Variants in WDPCP observed in about 807,000 individuals in gnomAD.
WDPCP encodes WD repeat-containing and planar cell polarity effector protein fritz homolog.
Under a neutral mutation model 93.1 loss-of-function variants are expected in WDPCP, and 71 were observed. That is an observed-to-expected ratio of 0.76 (90% CI 0.63 to 0.93). The LOEUF is 0.93. Among genes scored for constraint, WDPCP ranks in the 40% least tolerant of loss-of-function variants. WDPCP has a pLI of 0.00. For synonymous variants in WDPCP, 315 were observed against 315.0 expected (o/e 1.00, Z 0.00); for missense variants, 844 against 887.4 (o/e 0.95, Z 0.62).
At chr2:63,770,286 A>G (rs903940193) in intron 2 of WDPCP, among the ~76,000 whole-genome samples, 1 of 151,958 alleles carries the variant, frequency 6.6e-6, no homozygotes, top group Non-Finnish European at 1.5e-5. Flanking sequence ...AAAATACAAC[A>G]TATTCAAACT....
intron 2 of WDPCP, among the ~76,000 whole-genome samples, chr2:63,660,402 G>A (rs922951988): frequency 1.3e-5 from 2 of 152,130 alleles, no homozygotes; most frequent in African/African-American, 4.8e-5. Context: ...AATTGCAATT[G>A]GTAGTTGCAG....
intron 1 of WDPCP, among the ~76,000 whole-genome samples, chr2:63,509,681 T>C (rs1702104818): frequency 6.6e-6 from 1 of 151,550 alleles, no homozygotes; most frequent in Admixed American, 6.6e-5. Context: ...GATAGACCAC[T>C]AGCCAGAATA....
chr2:63,309,384 G>A (rs192192042), intron 13 of WDPCP, among the ~76,000 whole-genome samples: 22 of 152,258 alleles, frequency 1.4e-4, no homozygotes, highest in Admixed American at 2.0e-4. Flanking sequence ...GGAGGGGTAC[G>A]GTGGTGCATG....
intron 1 of WDPCP, among the ~76,000 whole-genome samples, chr2:63,582,859 AC>A (rs1394960258): frequency 6.6e-6 from 1 of 152,188 alleles, no homozygotes; most frequent in African/African-American, 2.4e-5. Flanking sequence ...TTCCACACAT[AC>A]AAAAGCTGAG....
Position 63,433,733 on chromosome 2 carries a change from T to C in WDPCP, c.825+12A>G. The C allele has an allele frequency of 6.2e-7, 1 of 1,604,448 alleles. No individual in the cohort carries two copies. The highest frequency in any genetic ancestry group is 1.7e-5 in the Admixed American group (1 of 59,696). ...CACTTTATTAAAATGTACATATTTG[T>C]TTTAGATTTACCTCTAGTCTTCCTT... On this transcript the variant is annotated intron_variant, in intron 9 of 17. Coordinates refer to ENST00000272321, the MANE Select transcript of WDPCP (RefSeq NM_015910.7).
chr2:63,353,144 G>C (rs1689754535), intron 12 of WDPCP, among the ~76,000 whole-genome samples: 1 of 152,042 alleles, frequency 6.6e-6, no homozygotes, highest in Non-Finnish European at 1.5e-5. Flanking sequence ...ACAGATCTTT[G>C]CAACCCTCAG....
chr2:63,217,151 A>G (rs934301538), intron 14 of WDPCP, among the ~76,000 whole-genome samples: 1 of 152,266 alleles, frequency 6.6e-6, no homozygotes, highest in Non-Finnish European at 1.5e-5. Flanking sequence ...CTTTTGAGGT[A>G]AGAATGGTTT....
chr2:63,808,632 G>T (rs561693190), intron 2 of WDPCP, among the ~76,000 whole-genome samples: 1 of 152,210 alleles, frequency 6.6e-6, no homozygotes, highest in South Asian at 2.1e-4. Flanking sequence ...ACGGAGTCTC[G>T]TTCACTTAGT....
intron 2 of WDPCP, among the ~76,000 whole-genome samples, chr2:63,712,197 G>A (rs913386692): frequency 6.6e-6 from 1 of 152,220 alleles, no homozygotes; most frequent in Non-Finnish European, 1.5e-5. Context: ...AGGGCCCAGT[G>A]TGCCAGCTGA....
rs1159039677 is a variant in WDPCP, at chr2:63,338,569, AATATATATATAT to A, written c.1749-25270_1749-25259del. Reference sequence around the variant, plus strand: ...CTCCATCTAAAAAAAAAAAAAAAAAAATATATATATATATATATATATATATATATATATATA... The same window carrying A: ...CTCCATCTAAAAAAAAAAAAAAAAAAATATATATATATATATATATATATA... On this transcript the variant is annotated intron_variant, in intron 12 of 17. Coordinates refer to ENST00000272321, the MANE Select transcript of WDPCP (RefSeq NM_015910.7). Among the ~76,000 whole-genome samples the A allele has an allele frequency of 2.6e-3, 37 of 14,476 alleles. 1 individual carries two copies. The highest frequency in any genetic ancestry group is 2.7e-3 in the Non-Finnish European group (29 of 10,582). The allele number at this position is 14,476 out of a possible 152,430, so 9.5% of individuals were successfully genotyped here. A position where few individuals can be genotyped will look rare whatever the true frequency, so the allele number is the denominator to read the frequency against.
chr2:63,227,222 C>T (rs1678365355), intron 14 of WDPCP, among the ~76,000 whole-genome samples: 1 of 151,928 alleles, frequency 6.6e-6, no homozygotes, highest in Non-Finnish European at 1.5e-5. Context: ...GAATGAACAA[C>T]TTCCTTTAGT....
intron 1 of WDPCP, among the ~76,000 whole-genome samples, chr2:63,549,296 T>C (rs1386041713): frequency 2.1e-5 from 3 of 143,214 alleles, no homozygotes; most frequent in African/African-American, 7.7e-5. Flanking sequence ...TAAGCATCCA[T>C]CTAAAGGAAT....
intron 14 of WDPCP, among the ~76,000 whole-genome samples, chr2:63,201,281 C>A (rs1261550527): frequency 6.6e-6 from 1 of 152,096 alleles, no homozygotes; most frequent in Non-Finnish European, 1.5e-5. Flanking sequence ...TCCTGTACAG[C>A]CTGCAGAACT....
At position 63,734,842 on chromosome 2, in the gene WDPCP, G is replaced by A. The variant is rs531365059; in HGVS notation, n.308+78780C>T. 9.9e-5 allele frequency among the ~76,000 whole-genome samples: 15 copies of A among 150,858 alleles called. No homozygotes were observed. The East Asian group carries it at 2.5e-3, about 25-fold the overall frequency. On this transcript the variant is annotated intron_variant and non_coding_transcript_variant, in intron 2 of 4. Coordinates refer to the WDPCP transcript ENST00000467687. Reference sequence around the variant, plus strand: ...ATAGGCTGAGAAATTTTAAGTTGCAGAAGGATAGATAGATGGAGATAGATA... The same window carrying A: ...ATAGGCTGAGAAATTTTAAGTTGCAAAAGGATAGATAGATGGAGATAGATA...
At chr2:63,688,875 C>T (rs1012573444) in intron 2 of WDPCP, among the ~76,000 whole-genome samples, 1 of 152,110 alleles carries the variant, frequency 6.6e-6, no homozygotes, top group Non-Finnish European at 1.5e-5. Flanking sequence ...AGGTTTCTGT[C>T]CTCATGAATG....
At chr2:63,243,190 T>C (rs1679996871) in intron 14 of WDPCP, among the ~76,000 whole-genome samples, 1 of 152,174 alleles carries the variant, frequency 6.6e-6, no homozygotes, top group African/African-American at 2.4e-5. Context: ...AAGGGAAAAC[T>C]TATTGAATGG....
chr2:63,815,224 T>C (rs1309182366), intron 1 of WDPCP, among the ~76,000 whole-genome samples: 1 of 152,198 alleles, frequency 6.6e-6, no homozygotes, highest in Non-Finnish European at 1.5e-5. Context: ...GTGTTTTAAA[T>C]TGCTTTTATA....
At chr2:63,478,997 G>T (rs193069526) in intron 6 of WDPCP, among the ~76,000 whole-genome samples, 80 of 150,578 alleles carry the variant, frequency 5.3e-4, no homozygotes, top group Admixed American at 1.5e-3. Context: ...CAAAACGGGA[G>T]ATATTACAAC....
chr2:63,586,711 G>A (rs1708866067), intron 1 of WDPCP, among the ~76,000 whole-genome samples: 1 of 152,200 alleles, frequency 6.6e-6, no homozygotes, highest in Non-Finnish European at 1.5e-5. Flanking sequence ...CCACACAGGT[G>A]ACTTCAATTC....
Sources: allele counts gnomAD v4.1 joint callset (sites outside exome capture counted in the v4.1 genomes callset), GRCh38; gene constraint gnomAD v4.1.1; transcripts MANE v1.5; gene names NCBI Gene and HGNC (gene_info 2026-07-23, HGNC 2026-07-21).